LMX1A: variants seen among roughly 807,000 people sequenced by gnomAD.
The protein encoded by LMX1A is LIM homeobox transcription factor 1-alpha.
A neutral mutation model predicts 49.1 loss-of-function variants in LMX1A; 15 were observed. The observed-to-expected ratio is 0.31, with a 90% CI of 0.20 to 0.47. The LOEUF (loss-of-function observed/expected upper bound fraction) is 0.47. Among genes scored for constraint, LMX1A ranks in the 20% least tolerant of loss-of-function variants. The pLI, the probability that LMX1A is intolerant of heterozygous loss-of-function variation, is 1.00. For missense variants in LMX1A, 372 were observed against 475.8 expected, an observed-to-expected ratio of 0.78 and a Z score of 2.03; for synonymous variants, 167 against 185.7, an observed-to-expected ratio of 0.90 and a Z score of 0.82.
intron 3 of LMX1A, among the ~76,000 whole-genome samples, chr1:165,319,161 G>A (rs1405939218): frequency 3.3e-5 from 5 of 151,986 alleles, no homozygotes; most frequent in African/African-American, 1.2e-4. Context: ...TTAAAATCCA[G>A]GAGAAAGACA....
chr1:165,269,667 G>T (rs780233838), intron 3 of LMX1A, among the ~76,000 whole-genome samples: 8 of 152,178 alleles, frequency 5.3e-5, no homozygotes, highest in Non-Finnish European at 1.0e-4. Flanking sequence ...TGGTAGATTG[G>T]ATTAAAAAAC....
intron 3 of LMX1A, among the ~76,000 whole-genome samples, chr1:165,288,767 A>C (rs12404307): frequency 6.6e-6 from 1 of 152,076 alleles, no homozygotes; most frequent in African/African-American, 2.4e-5. Flanking sequence ...TGACCTGGCT[A>C]TTCAAATAAC....
chr1:165,269,995 C>T (rs1246162462), intron 3 of LMX1A, among the ~76,000 whole-genome samples: 2 of 151,902 alleles, frequency 1.3e-5, no homozygotes, highest in Admixed American at 6.6e-5. Flanking sequence ...CCATGGCACA[C>T]GTTTACTTAT....
chr1:165,214,870 G>A lies in LMX1A; in HGVS notation c.497-1057C>T, dbSNP rs545509660. ...CTCTATAAGCAGTGAACAACATGAG[G>A]GTTAACTCTGAAAGGAAATAAAATC... is the stretch of plus-strand genomic sequence containing the variant. On this transcript the variant is annotated intron_variant, in intron 4 of 8. Transcript: ENST00000342310. 3.3e-5 allele frequency among the ~76,000 whole-genome samples: 5 copies of A among 152,230 alleles called. No individual in the cohort carries two copies. The East Asian group carries it at 9.6e-4, about 29-fold the overall frequency.
intron 4 of LMX1A, among the ~76,000 whole-genome samples, chr1:165,224,100 A>C (rs561849687): frequency 3.3e-5 from 5 of 152,172 alleles, no homozygotes; most frequent in Non-Finnish European, 2.9e-5. Flanking sequence ...TGTTGTCATG[A>C]TGATAGTGAG....
At chr1:165,265,993 G>C (rs192964338) in intron 3 of LMX1A, among the ~76,000 whole-genome samples, 4 of 152,224 alleles carry the variant, frequency 2.6e-5, no homozygotes, top group East Asian at 3.9e-4. Flanking sequence ...TTTAAGGGAG[G>C]GGTTTTATTC....
chr1:165,322,615 T>A (rs1489411463), intron 3 of LMX1A, among the ~76,000 whole-genome samples: 1 of 152,070 alleles, frequency 6.6e-6, no homozygotes, highest in Non-Finnish European at 1.5e-5. Context: ...ATATGAAATA[T>A]CCAGAATAGG....
chr1:165,204,106 T>G (rs1650967365), intron 8 of LMX1A, 66 bp from the exon 9 acceptor site: 1 of 1,523,644 alleles, frequency 6.6e-7, no homozygotes, highest in African/African-American at 1.4e-5. Context: ...TGCTAGGATA[T>G]TCAGCTGAAT....
chr1:165,258,053 G>C (rs546039643), intron 3 of LMX1A, among the ~76,000 whole-genome samples: 2 of 152,276 alleles, frequency 1.3e-5, no homozygotes, highest in African/African-American at 4.8e-5. Context: ...AGTAACAGAG[G>C]GTTTGGGGCA....
intron 2 of LMX1A, 81 bp from the exon 3 acceptor site, chr1:165,353,343 C>T (rs1656491787): frequency 9.0e-7 from 1 of 1,114,652 alleles, no homozygotes; most frequent in Non-Finnish European, 1.3e-6. Flanking sequence ...CGCTCCTGAT[C>T]CCTTCACATC....
chr1:165,222,302 G>A (rs1213516282), intron 4 of LMX1A, among the ~76,000 whole-genome samples: 1 of 152,186 alleles, frequency 6.6e-6, no homozygotes, highest in Non-Finnish European at 1.5e-5. Flanking sequence ...CTAGATAAAA[G>A]CTCATTAATC....
At chr1:165,310,502 TATC>T (rs1281157935) in intron 3 of LMX1A, among the ~76,000 whole-genome samples, 2 of 152,234 alleles carry the variant, frequency 1.3e-5, no homozygotes, top group African/African-American at 4.8e-5. Flanking sequence ...AAAAGTGAGT[TATC>T]ATGCATAGCT....
chr1:165,344,912 C>T (rs887148374), intron 3 of LMX1A, among the ~76,000 whole-genome samples: 1 of 152,188 alleles, frequency 6.6e-6, no homozygotes, highest in Non-Finnish European at 1.5e-5. Flanking sequence ...GAGCTGGGGG[C>T]CCCAGGCCAA....
intron 3 of LMX1A, among the ~76,000 whole-genome samples, chr1:165,256,892 A>G (rs1280172294): frequency 2.0e-5 from 3 of 152,124 alleles, no homozygotes; most frequent in African/African-American, 7.2e-5. Context: ...TACTGCAGGC[A>G]TTACGGTAGC....
At chr1:165,232,005 A>AG (rs1652257022) in intron 4 of LMX1A, among the ~76,000 whole-genome samples, 1 of 152,220 alleles carries the variant, frequency 6.6e-6, no homozygotes, top group Admixed American at 6.5e-5. Context: ...CTATCAGACA[A>AG]GAAAAGAGAA....
chr1:165,351,702 C>CA (rs941385317), intron 3 of LMX1A, among the ~76,000 whole-genome samples: 1 of 152,112 alleles, frequency 6.6e-6, no homozygotes, highest in African/African-American at 2.4e-5. Context: ...AATTTTAGGG[C>CA]AAAAAAGCGG....
chr1:165,272,963 G>C (rs969307427), intron 3 of LMX1A, among the ~76,000 whole-genome samples: 1 of 152,188 alleles, frequency 6.6e-6, no homozygotes. Context: ...CTGGCAGCAT[G>C]AAAGGGAAGT....
At chr1:165,240,074 A>C (rs1652592392) in intron 4 of LMX1A, among the ~76,000 whole-genome samples, 1 of 152,230 alleles carries the variant, frequency 6.6e-6, no homozygotes, top group Non-Finnish European at 1.5e-5. Flanking sequence ...AGAATTTAAA[A>C]ATAAATGGAA....
At chr1:165,265,153 G>A (rs1261380628) in intron 3 of LMX1A, among the ~76,000 whole-genome samples, 6 of 149,372 alleles carry the variant, frequency 4.0e-5, no homozygotes, top group Non-Finnish European at 7.4e-5. Flanking sequence ...GCAGTGAGCC[G>A]AGATCGTGCC....
Sources: allele counts gnomAD v4.1 joint callset (sites outside exome capture counted in the v4.1 genomes callset), GRCh38; gene constraint gnomAD v4.1.1; transcripts MANE v1.5; gene names NCBI Gene and HGNC (gene_info 2026-07-23, HGNC 2026-07-21).